The following BMPR1B variants were observed in gnomAD, a reference collection of about 807,000 sequenced individuals.
BMPR1B encodes the protein bone morphogenetic protein receptor type 1B, also known as bone morphogenetic protein receptor type-1B.
In BMPR1B, 12 loss-of-function variants were observed where a neutral mutation model predicts 59.1. The ratio of observed to expected loss-of-function variants is 0.20; its 90% CI spans 0.13 to 0.33. The LOEUF (loss-of-function observed/expected upper bound fraction) is 0.33, where lower values mean the gene tolerates loss of function less well. Among genes scored for constraint, BMPR1B ranks in the 10% least tolerant of loss-of-function variants. BMPR1B has a pLI of 1.00. For missense variants in BMPR1B, 550 were observed against 610.9 expected (o/e 0.90, Z 1.05); for synonymous variants, 237 against 207.3 (o/e 1.14, Z -1.23).
chr4:94,822,705 C>G (rs1724249966), intron 1 of BMPR1B, among the ~76,000 whole-genome samples: 1 of 152,082 alleles, frequency 6.6e-6, no homozygotes, highest in South Asian at 2.1e-4. Flanking sequence ...AAAGTCACTG[C>G]CATAGACTTA....
chr4:94,982,116 G>A (rs925289215), intron 2 of BMPR1B, among the ~76,000 whole-genome samples: 1 of 152,096 alleles, frequency 6.6e-6, no homozygotes, highest in Non-Finnish European at 1.5e-5. Context: ...AATGCACAGG[G>A]AGAATACATA....
intron 3 of BMPR1B, among the ~76,000 whole-genome samples, chr4:95,052,391 T>C (rs1262788390): frequency 6.6e-6 from 1 of 152,186 alleles, no homozygotes; most frequent in African/African-American, 2.4e-5. Context: ...ACAGTAATTT[T>C]AAGAGTGGTT....
At chr4:94,951,540 T>G (rs963942096) in intron 2 of BMPR1B, among the ~76,000 whole-genome samples, 1 of 152,136 alleles carries the variant, frequency 6.6e-6, no homozygotes. Flanking sequence ...TTACGTGCTT[T>G]TTGTCATTGG....
chr4:95,086,540 C>A (rs1373288340), intron 3 of BMPR1B, among the ~76,000 whole-genome samples: 1 of 152,094 alleles, frequency 6.6e-6, no homozygotes, highest in Non-Finnish European at 1.5e-5. Context: ...GTTGTTCAAC[C>A]TGTTGTATTG....
intron 3 of BMPR1B, among the ~76,000 whole-genome samples, chr4:95,073,103 A>G (rs1421604093): frequency 1.3e-5 from 2 of 152,132 alleles, no homozygotes; most frequent in Non-Finnish European, 2.9e-5. Flanking sequence ...CTAAGAGATA[A>G]GGGGGGGAAA....
chr4:95,032,387 T>C (rs1047119372), intron 3 of BMPR1B, among the ~76,000 whole-genome samples: 1 of 152,094 alleles, frequency 6.6e-6, no homozygotes, highest in African/African-American at 2.4e-5. Flanking sequence ...CATGATGACA[T>C]CTAAACCAAA....
At chr4:95,132,882 C>T (rs1733471738) in intron 10 of BMPR1B, among the ~76,000 whole-genome samples, 1 of 152,150 alleles carries the variant, frequency 6.6e-6, no homozygotes, top group Non-Finnish European at 1.5e-5. Flanking sequence ...ATTGCCATCA[C>T]CCTATCCACA....
chr4:94,989,374 C>T (rs1352865774), intron 2 of BMPR1B, among the ~76,000 whole-genome samples: 3 of 130,900 alleles, frequency 2.3e-5, no homozygotes, highest in East Asian at 2.1e-4. Context: ...GGTGACAGAG[C>T]GAGACTCCGT....
chr4:95,010,810 A>G (rs1237690304), intron 3 of BMPR1B, among the ~76,000 whole-genome samples: 1 of 152,156 alleles, frequency 6.6e-6, no homozygotes. Context: ...GTCCAAAAGG[A>G]TCAAAATGGG....
intron 10 of BMPR1B, among the ~76,000 whole-genome samples, chr4:95,136,272 G>A (rs1466266687): frequency 6.6e-6 from 1 of 152,182 alleles, no homozygotes; most frequent in Non-Finnish European, 1.5e-5. Context: ...CTTGATCATG[G>A]TGGATAAGCT....
At chr4:94,982,318 A>G (rs1721131999) in intron 2 of BMPR1B, among the ~76,000 whole-genome samples, 1 of 151,642 alleles carries the variant, frequency 6.6e-6, no homozygotes, top group South Asian at 2.1e-4. Context: ...AAAAAACAAA[A>G]CAAACAAACC....
chr4:94,776,270 G>T (rs1488839713), intron 1 of BMPR1B, among the ~76,000 whole-genome samples: 1 of 151,998 alleles, frequency 6.6e-6, no homozygotes, highest in African/African-American at 2.4e-5. Context: ...CAAAAGAAAA[G>T]CAAGGAAATA....
chr4:95,130,208 A>G lies in BMPR1B; in HGVS notation c.778+154A>G, dbSNP rs986294157. 2.0e-5 allele frequency among the ~76,000 whole-genome samples: 3 copies of G among 152,184 alleles called. No individual in the cohort carries two copies. The South Asian group carries it at 6.2e-4, about 32-fold the overall frequency. ...GGCCCAAGAACATCATAAGTTTCTA[A>G]TGGGAGACCTCACAGGAGGAATGAC... On this transcript the variant is annotated intron_variant, in intron 9 of 12. Coordinates refer to ENST00000515059, the MANE Select transcript of BMPR1B (RefSeq NM_001203.3).
At chr4:95,088,515 T>C (rs1729755904) in intron 3 of BMPR1B, among the ~76,000 whole-genome samples, 1 of 152,172 alleles carries the variant, frequency 6.6e-6, no homozygotes, top group Non-Finnish European at 1.5e-5. Context: ...ATAATGATCC[T>C]AGAGGGATTT....
intron 3 of BMPR1B, among the ~76,000 whole-genome samples, chr4:95,032,827 G>A (rs531551303): frequency 6.6e-6 from 1 of 152,114 alleles, no homozygotes; most frequent in Non-Finnish European, 1.5e-5. Context: ...TGTGAATAAT[G>A]CTGCTGTGAA....
At chr4:94,969,260 C>T (rs1467764040) in intron 2 of BMPR1B, among the ~76,000 whole-genome samples, 1 of 152,116 alleles carries the variant, frequency 6.6e-6, no homozygotes, top group Non-Finnish European at 1.5e-5. Flanking sequence ...TGGTCTTGAT[C>T]TCTTGACCTC....
chr4:95,000,340 A>G (rs1722350240), intron 3 of BMPR1B, among the ~76,000 whole-genome samples: 1 of 152,136 alleles, frequency 6.6e-6, no homozygotes, highest in African/African-American at 2.4e-5. Context: ...TCAATTTGGA[A>G]CTTTTTTTCA....
chr4:95,068,067 G>A (rs1560629408), intron 3 of BMPR1B, among the ~76,000 whole-genome samples: 1 of 152,176 alleles, frequency 6.6e-6, no homozygotes, highest in African/African-American at 2.4e-5. Flanking sequence ...TAGTGTCACT[G>A]CAGAGTTGGA....
chr4:94,876,575 T>A (rs1215390674), intron 2 of BMPR1B, among the ~76,000 whole-genome samples: 1 of 152,248 alleles, frequency 6.6e-6, no homozygotes, highest in Admixed American at 6.5e-5. Flanking sequence ...ATTTTATAGA[T>A]GTTAAAACTG....
Sources: allele counts gnomAD v4.1 joint callset (sites outside exome capture counted in the v4.1 genomes callset), GRCh38; gene constraint gnomAD v4.1.1; transcripts MANE v1.5; gene names NCBI Gene and HGNC (gene_info 2026-07-23, HGNC 2026-07-21).